The following RRP12 variants were observed in gnomAD, a reference collection of about 807,000 sequenced individuals.
The protein encoded by RRP12 is RRP12-like protein.
In RRP12, 78 loss-of-function variants were observed where a neutral mutation model predicts 157.3. That is an observed-to-expected ratio of 0.50 (90% CI 0.41 to 0.60). RRP12 has a LOEUF of 0.60. RRP12 is among the 20% of genes least tolerant of loss of function. The probability of loss-of-function intolerance (pLI) is 0.00; values close to 1 mark genes in which losing one functional copy is unlikely to be tolerated. For synonymous variants in RRP12, 726 were observed against 670.9 expected (o/e 1.08, Z -1.27); for missense variants, 1,521 against 1,679.9 (o/e 0.91, Z 1.65).
At chr10:97,398,039 A>ATATATTTTTTTTTTT (rs1436494245) in intron 2 of RRP12, among the ~76,000 whole-genome samples, 1 of 56,028 alleles carries the variant, frequency 1.8e-5, no homozygotes, top group African/African-American at 8.7e-5. Flanking sequence ...ATATATACGT[A>ATATATTTTTTTTTTT]TTTTTTTTTT....
rs1357509639 is a variant in RRP12, at chr10:97,373,694, A to C, written c.1907T>G (p.Val636Gly). 2 of 1,613,746 alleles carry C rather than the reference A, an allele frequency of 1.2e-6. No homozygotes were observed. Among genetic ancestry groups the C allele is most frequent in the Non-Finnish European group, 1.7e-6 (2 of 1,179,798 alleles). Residue 636 changes from valine (V) to glycine (G), a missense_variant, in exon 17 of 34, where the codon GTG becomes GGG. Transcript: ENST00000370992. ...TGCCAGCCCTTTGAAGGAGATGGCCACATCTGTAGGCCTTGTGCAGAACCC... is the reference window on the plus strand; with the variant it reads ...TGCCAGCCCTTTGAAGGAGATGGCCCCATCTGTAGGCCTTGTGCAGAACCC... ...LPGFCTRPTDVAISFKGLART... is the reference protein window; with the variant it reads ...LPGFCTRPTDGAISFKGLART...
intron 4 of RRP12, chr10:97,393,479 C>A: frequency 1.4e-6 from 1 of 692,508 alleles, no homozygotes; most frequent in South Asian, 1.5e-5. Context: ...ACCAGGGGTT[C>A]AGGACAGCCT....
At chr10:97,383,831 G>A (rs191150258) in intron 10 of RRP12, among the ~76,000 whole-genome samples, 84 of 152,266 alleles carry the variant, frequency 5.5e-4, no homozygotes, top group Admixed American at 4.1e-3. Flanking sequence ...GCCAGGGAGC[G>A]GCAAGAGGCA....
At chr10:97,388,412 C>T (rs749861692) in intron 7 of RRP12, 33 bp from the exon 8 acceptor site, 69 of 1,613,030 alleles carry the variant, frequency 4.3e-5, no homozygotes, top group Non-Finnish European at 5.4e-5. Context: ...AGACACCAGC[C>T]CCGCCCTACC....
Position 97,388,380 on chromosome 10 carries a change from C to G in RRP12, c.890-1G>C. 1 of 1,613,816 alleles carries G rather than the reference C, an allele frequency of 6.2e-7. No homozygotes were observed. On this transcript the variant is annotated splice_acceptor_variant, in intron 7 of 33. Coordinates refer to ENST00000370992, the MANE Select transcript of RRP12 (RefSeq NM_015179.4). LOFTEE classifies it high-confidence loss of function. ...AGCGTGGTGGTGGCCTCCTTGGAGC[C>G]TGGTATACAGAAGAGGAATTGAGAC...
rs1188894480 is a variant in RRP12, at chr10:97,366,815, G to GGGCTCGGTGCCTCTT, written c.3127_3141dup (p.Lys1043_Ala1047dup). 1 of 1,614,078 alleles carries GGGCTCGGTGCCTCTT rather than the reference G, an allele frequency of 6.2e-7. No homozygotes were observed. The highest frequency in any genetic ancestry group is 8.5e-7 in the Non-Finnish European group (1 of 1,180,052). On this transcript the variant is annotated inframe_insertion, in exon 27 of 34. Transcript: ENST00000370992. ...TCCTCCTCCACGGCAGCCTGGCTCA[G>GGGCTCGGTGCCTCTT]GGCTCGGTGCCTCTTGGCCCGGGCC...
chr10:97,365,295 A>G, intron 29 of RRP12, among the ~76,000 whole-genome samples: 2 of 132,908 alleles, frequency 1.5e-5, no homozygotes, highest in Admixed American at 8.0e-5. Flanking sequence ...TTTTTTTGAG[A>G]CAGAGTTTCG....
chr10:97,361,817 G>A (rs1410417547), intron 30 of RRP12, among the ~76,000 whole-genome samples: 1 of 152,166 alleles, frequency 6.6e-6, no homozygotes, highest in Non-Finnish European at 1.5e-5. Flanking sequence ...TGGCCGAGGA[G>A]TTAGAACTTG....
intron 33 of RRP12, among the ~76,000 whole-genome samples, chr10:97,357,739 A>G (rs998670971): frequency 1.3e-5 from 2 of 152,084 alleles, no homozygotes; most frequent in African/African-American, 2.4e-5. Flanking sequence ...TGGGCAGATC[A>G]CAAGGTCAGG....
chr10:97,369,274 G>T, intron 25 of RRP12, 151 bp downstream of exon 25: 1 of 769,004 alleles, frequency 1.3e-6, no homozygotes, highest in Non-Finnish European at 2.1e-6. Context: ...CCACCTGACA[G>T]GCATTCCCCT....
intron 15 of RRP12, among the ~76,000 whole-genome samples, chr10:97,378,344 T>C (rs1456874925): frequency 6.6e-6 from 1 of 152,198 alleles, no homozygotes; most frequent in Non-Finnish European, 1.5e-5. Context: ...ACCTGGGCTA[T>C]GTGGTATAGT....
chr10:97,357,479 C>G (rs1466115911), intron 33 of RRP12, among the ~76,000 whole-genome samples: 2 of 152,188 alleles, frequency 1.3e-5, no homozygotes, highest in African/African-American at 4.8e-5. Flanking sequence ...CCTCTGCCCA[C>G]CCATCCCTCC....
chr10:97,381,919 C>G, intron 10 of RRP12, 93 bp from the exon 11 acceptor site: 1 of 825,964 alleles, frequency 1.2e-6, no homozygotes, highest in Non-Finnish European at 1.9e-6. Flanking sequence ...GCTCTGAAAA[C>G]AGTCACAAAC....
intron 10 of RRP12, among the ~76,000 whole-genome samples, chr10:97,383,017 C>T (rs1395373401): frequency 3.3e-5 from 5 of 152,196 alleles, no homozygotes; most frequent in Admixed American, 6.6e-5. Context: ...CCATCTCGGT[C>T]TCCTAAAGTG....
chr10:97,373,189 CACGGTCAGCCTCTGGTA>C lies in RRP12; in HGVS notation c.2027-6_2037del. 1 of 1,614,124 alleles carries C rather than the reference CACGGTCAGCCTCTGGTA, an allele frequency of 6.2e-7. No individual in the cohort carries two copies. Among genetic ancestry groups the C allele is most frequent in the Non-Finnish European group, 8.5e-7 (1 of 1,180,000 alleles). On this transcript the variant is annotated splice_acceptor_variant and splice_polypyrimidine_tract_variant and coding_sequence_variant and intron_variant, in exon 18 of 34. Coordinates refer to ENST00000370992, the MANE Select transcript of RRP12 (RefSeq NM_015179.4). LOFTEE classifies it high-confidence loss of function. ...TTCTTGGCAAAGCGACTCACTTCAG[CACGGTCAGCCTCTGGTA>C]AAAGGATCAAAGTTTGCACTAAAGG...
intron 20 of RRP12, chr10:97,371,703 G>A (rs1198621238): frequency 1.4e-5 from 3 of 210,686 alleles, no homozygotes; most frequent in African/African-American, 6.7e-5. Context: ...GACAGGGCCT[G>A]TTATATCAGG....
At chr10:97,400,659 CAG>C in intron 1 of RRP12, 125 bp from the exon 2 acceptor site, 1 of 734,224 alleles carries the variant, frequency 1.4e-6, no homozygotes, top group Non-Finnish European at 2.2e-6. Context: ...TGAACACAGC[CAG>C]TCTCATAAAA....
intron 4 of RRP12, among the ~76,000 whole-genome samples, chr10:97,392,641 G>A (rs184987658): frequency 5.3e-5 from 8 of 151,060 alleles, no homozygotes; most frequent in Non-Finnish European, 7.4e-5. Flanking sequence ...GAGCCACTGC[G>A]TCCAGCCATG....
intron 5 of RRP12, 49 bp downstream of exon 5, chr10:97,390,690 G>A: frequency 6.8e-7 from 1 of 1,464,410 alleles, no homozygotes; most frequent in Non-Finnish European, 9.6e-7. Flanking sequence ...CACCAAATCA[G>A]ACAGGCTCTG....
Sources: allele counts gnomAD v4.1 joint callset (sites outside exome capture counted in the v4.1 genomes callset), GRCh38; gene constraint gnomAD v4.1.1; transcripts MANE v1.5; gene names NCBI Gene and HGNC (gene_info 2026-07-23, HGNC 2026-07-21).